The following GRID1 variants were observed in gnomAD, a reference collection of about 807,000 sequenced individuals.
GRID1 encodes glutamate receptor ionotropic, delta-1.
A neutral mutation model predicts 98.0 loss-of-function variants in GRID1; 28 were observed. The observed-to-expected ratio is 0.29, with a 90% CI of 0.21 to 0.39. GRID1 has a LOEUF of 0.39. Ranked by LOEUF, GRID1 falls within the 10% of genes least tolerant of loss-of-function variation. The pLI is 1.00. For synonymous variants in GRID1, 553 were observed against 538.5 expected, an observed-to-expected ratio of 1.03 and a Z score of -0.37; for missense variants, 1,111 against 1,340.5, an observed-to-expected ratio of 0.83 and a Z score of 2.67.
intron 5 of GRID1, among the ~76,000 whole-genome samples, chr10:85,894,036 C>T (rs558363108): frequency 6.6e-6 from 1 of 152,272 alleles, no homozygotes; most frequent in South Asian, 2.1e-4. Context: ...AGGTACAGAA[C>T]TTTCTCCTCT....
rs1845247382 is a variant in GRID1, at chr10:86,156,469, G to C, written c.521-17445C>G. 2.0e-5 allele frequency among the ~76,000 whole-genome samples: 3 copies of C among 152,300 alleles called. No individual in the cohort carries two copies. The South Asian group carries it at 6.2e-4, about 32-fold the overall frequency. ...AGCTGGTAGGAGACTCAGGAGGTGA[G>C]AGCTGCCATGTTTCTTGTCCAATGG... On this transcript the variant is annotated intron_variant, in intron 3 of 15. Transcript: ENST00000327946.
At chr10:86,051,910 C>T (rs1337010218) in intron 4 of GRID1, among the ~76,000 whole-genome samples, 2 of 152,184 alleles carry the variant, frequency 1.3e-5, no homozygotes, top group Non-Finnish European at 2.9e-5. Flanking sequence ...TGCAAAAATC[C>T]TTTCACTCTG....
intron 4 of GRID1, among the ~76,000 whole-genome samples, chr10:86,030,611 T>C (rs1195471181): frequency 6.6e-6 from 1 of 152,158 alleles, no homozygotes; most frequent in Non-Finnish European, 1.5e-5. Flanking sequence ...GATGCCCCTT[T>C]TCAGCAGTAA....
chr10:86,357,699 AACCCTGACACCTGTGAGTTCAGC>A (rs1178537443), intron 2 of GRID1, among the ~76,000 whole-genome samples: 1 of 152,104 alleles, frequency 6.6e-6, no homozygotes, highest in Non-Finnish European at 1.5e-5. Flanking sequence ...AATGAAGGAG[AACCCTGACACCTGTGAGTTCAGC>A]ACCCTGACAC....
chr10:85,782,168 C>A (rs142412744), intron 8 of GRID1, among the ~76,000 whole-genome samples: 1 of 152,224 alleles, frequency 6.6e-6, no homozygotes, highest in Non-Finnish European at 1.5e-5. Context: ...ACAATAACAG[C>A]AATAATACCA....
intron 4 of GRID1, among the ~76,000 whole-genome samples, chr10:86,037,503 A>G (rs12777931): frequency 0.078 from 11,809 of 152,266 alleles, 580 homozygotes; most frequent in Non-Finnish European, 0.12. Context: ...ATAGGAAGAA[A>G]TCAATAAAAA....
chr10:85,935,071 C>T (rs1026872700), intron 4 of GRID1, among the ~76,000 whole-genome samples: 1 of 152,198 alleles, frequency 6.6e-6, no homozygotes, highest in African/African-American at 2.4e-5. Flanking sequence ...ACATGCTGAC[C>T]ATGACGGGTC....
chr10:85,802,780 G>A (rs1337899946), intron 8 of GRID1, among the ~76,000 whole-genome samples: 2 of 150,638 alleles, frequency 1.3e-5, no homozygotes, highest in African/African-American at 2.4e-5. Flanking sequence ...TGAGAGAAGA[G>A]AGACAGATGA....
intron 2 of GRID1, among the ~76,000 whole-genome samples, chr10:86,325,293 G>A (rs1848032979): frequency 6.6e-6 from 1 of 152,110 alleles, no homozygotes; most frequent in South Asian, 2.1e-4. Context: ...CCATGAAGTA[G>A]GCACTACTGT....
intron 4 of GRID1, among the ~76,000 whole-genome samples, chr10:86,120,332 C>A (rs920778395): frequency 6.6e-6 from 1 of 152,204 alleles, no homozygotes; most frequent in African/African-American, 2.4e-5. Flanking sequence ...AGACTCAGCT[C>A]AGATGGTGCT....
At chr10:86,061,810 T>C (rs1298291584) in intron 4 of GRID1, among the ~76,000 whole-genome samples, 1 of 152,254 alleles carries the variant, frequency 6.6e-6, no homozygotes, top group African/African-American at 2.4e-5. Context: ...GTCACGAGCC[T>C]GTTCAACCTG....
At chr10:86,316,445 G>A (rs1460921399) in intron 2 of GRID1, among the ~76,000 whole-genome samples, 1 of 152,234 alleles carries the variant, frequency 6.6e-6, no homozygotes, top group Non-Finnish European at 1.5e-5. Context: ...CCCCCATCAG[G>A]CACAGCCTGG....
At chr10:85,914,500 G>A (rs1241166773) in intron 5 of GRID1, among the ~76,000 whole-genome samples, 4 of 152,040 alleles carry the variant, frequency 2.6e-5, no homozygotes, top group African/African-American at 4.8e-5. Flanking sequence ...AACAGGAGGC[G>A]GCAGTCATGT....
chr10:86,157,760 C>A (rs535114573), intron 3 of GRID1, among the ~76,000 whole-genome samples: 2 of 152,288 alleles, frequency 1.3e-5, no homozygotes, highest in African/African-American at 4.8e-5. Context: ...TGGAATCCTC[C>A]TAAATTATAA....
intron 6 of GRID1, among the ~76,000 whole-genome samples, chr10:85,862,576 G>T (rs1315789545): frequency 6.6e-6 from 1 of 152,136 alleles, no homozygotes; most frequent in South Asian, 2.1e-4. Context: ...TAATGGGAAA[G>T]GTAGGAGGCG....
rs1008202657 is a variant in GRID1 at position 86,366,521 on chromosome 10, T to G, written c.-129A>C. ...GAGAGCCGAGCCCGCCCGTGCGTCTTCCCCCGCGCGCCCGCCCCTGCGCCC... is the reference window on the plus strand; with the variant it reads ...GAGAGCCGAGCCCGCCCGTGCGTCTGCCCCCGCGCGCCCGCCCCTGCGCCC... On this transcript the variant is annotated 5_prime_UTR_variant, in exon 1 of 16. Transcript: ENST00000327946. This position sits in a 1 kb window ranked among gnomAD's most constrained non-coding sequence, Gnocchi z 4.1. 2.3e-6 allele frequency: 1 copy of G among 437,726 alleles called. No individual in the cohort carries two copies. The highest frequency in any genetic ancestry group is 2.1e-5 in the African/African-American group (1 of 46,968). The allele number at this position is 437,726 out of a possible 1,614,324, so 27.1% of individuals were successfully genotyped here. A position where few individuals can be genotyped will look rare whatever the true frequency, so the allele number is the denominator to read the frequency against.
rs73338179 is a variant in GRID1 at position 85,938,874 on chromosome 10, G to A, written c.727-22635C>T. On this transcript the variant is annotated intron_variant, in intron 4 of 15. Transcript: ENST00000327946. ...CAACAACAATCTCTCATATTCAACC[G>A]AAAAAAGTCACATGAAAGTATATTA... Among the ~76,000 whole-genome samples, 233 of 152,112 alleles carry A rather than the reference G, an allele frequency of 1.5e-3. 1 individual carries two copies. Among genetic ancestry groups the A allele is most frequent in the African/African-American group, 5.3e-3 (222 of 41,512 alleles).
intron 3 of GRID1, among the ~76,000 whole-genome samples, chr10:86,194,804 C>T (rs753001006): frequency 2.6e-5 from 4 of 151,940 alleles, no homozygotes; most frequent in East Asian, 1.9e-4. Flanking sequence ...GGACTGCACT[C>T]GGCCACCAAT....
chr10:85,910,426 G>A (rs1841521353), intron 5 of GRID1, among the ~76,000 whole-genome samples: 1 of 152,178 alleles, frequency 6.6e-6, no homozygotes, highest in African/African-American at 2.4e-5. Flanking sequence ...CTTGGTGTGT[G>A]CTTTAGGATA....
Sources: gnomAD v4.1 joint callset for allele counts (sites outside exome capture counted in the v4.1 genomes callset) on GRCh38, gnomAD v4.1.1 for gene constraint, Gnocchi (gnomAD v3.1) non-coding constraint, MANE v1.5 for transcripts, NCBI Gene and HGNC (gene_info 2026-07-23, HGNC 2026-07-21) for gene names.